The following ENAM variants were observed in gnomAD, a reference collection of about 807,000 sequenced individuals.
The protein encoded by ENAM is amelogenesis imperfecta 2, hypocalcification (autosomal dominant).
ENAM carries 21 observed loss-of-function variants against 33.6 expected under a neutral mutation model. The ratio of observed to expected loss-of-function variants is 0.63; its 90% CI spans 0.44 to 0.90. The LOEUF is 0.90. Among genes scored for constraint, ENAM ranks in the 40% least tolerant of loss-of-function variants. ENAM has a pLI of 0.00. For missense variants in ENAM, 1,388 were observed against 1,366.9 expected (o/e 1.02, Z -0.24); for synonymous variants, 473 against 468.4 (o/e 1.01, Z -0.13).
At chr4:70,641,855 G>A (rs1329423383) in intron 8 of ENAM, among the ~76,000 whole-genome samples, 160 bp from the exon 9 acceptor site, 2 of 152,102 alleles carry the variant, frequency 1.3e-5, no homozygotes, top group Admixed American at 6.6e-5. Context: ...GTATGGTCAT[G>A]GAAACCAAGG....
chr4:70,633,042 G>A (rs1397828813), intron 5 of ENAM, among the ~76,000 whole-genome samples: 1 of 151,924 alleles, frequency 6.6e-6, no homozygotes, highest in African/African-American at 2.4e-5. Context: ...ATTGGTGGGG[G>A]GTAAGTTTTA....
In ENAM at chr4:70,644,480, G is replaced by C. The variant is rs765719023; in HGVS notation, c.3054G>C (p.Gln1018His). The C allele has an allele frequency of 2.7e-5, 44 of 1,614,064 alleles. No individual in the cohort carries two copies. The highest frequency in any genetic ancestry group is 3.4e-5 in the Non-Finnish European group (40 of 1,180,034). ...NERTVDLTPE[Q>H]LVIGTPDEGS... Reference sequence around the variant, plus strand: ...GAACTGTTGACCTTACTCCTGAGCAGCTTGTTATTGGTACACCTGATGAAG... The same window carrying C: ...GAACTGTTGACCTTACTCCTGAGCACCTTGTTATTGGTACACCTGATGAAG... Residue 1018 changes from glutamine to histidine, a missense_variant, in exon 9 of 9, where the codon CAG (glutamine) becomes CAC (histidine). Transcript: ENST00000396073.
In ENAM at chr4:70,643,445, A is replaced by G. The variant is rs937703590; in HGVS notation, c.2019A>G (p.Glu673=). 8.1e-6 allele frequency: 13 copies of G among 1,614,076 alleles called. No homozygotes were observed. The highest frequency in any genetic ancestry group is 1.0e-5 in the Non-Finnish European group (12 of 1,180,018). Reference sequence around the variant, plus strand: ...TTCCTGGACAAAATAGATGGGGTGAAGAGTTGAGCTTCAAAGGAGGCCCAA... The same window carrying G: ...TTCCTGGACAAAATAGATGGGGTGAGGAGTTGAGCTTCAAAGGAGGCCCAA... The part of the protein sequence containing the change: ...EVFPGQNRWG[E]ELSFKGGPTV... The change falls in exon 9 of 9, where the codon GAA becomes GAG. Residue 673 remains glutamate (E), a synonymous_variant. Coordinates refer to ENST00000396073, the MANE Select transcript of ENAM (RefSeq NM_031889.3).
At chr4:70,633,801 A>C (rs1034913611) in intron 5 of ENAM, among the ~76,000 whole-genome samples, 1 of 152,186 alleles carries the variant, frequency 6.6e-6, no homozygotes, top group Non-Finnish European at 1.5e-5. Flanking sequence ...TCCACCTGTA[A>C]CCAAGAACCA....
chr4:70,638,386 G>A (rs1282265253), intron 8 of ENAM, among the ~76,000 whole-genome samples: 1 of 149,260 alleles, frequency 6.7e-6, no homozygotes, highest in African/African-American at 2.5e-5. Context: ...CTAAATATGT[G>A]ATATGTCCTC....
In ENAM at chr4:70,631,895, T is replaced by G; in HGVS notation, c.168+2T>G. ...GGATTTAGCAGTAAAAGTGAGGAGG[T>G]ATGTACGTTCAGTCTCAGAGGAGAA... On this transcript the variant is annotated splice_donor_variant, in intron 4 of 8. Coordinates refer to ENST00000396073, the MANE Select transcript of ENAM (RefSeq NM_031889.3). LOFTEE classifies it high-confidence loss of function. The G allele has an allele frequency of 6.2e-7, 1 of 1,613,208 alleles. No individual in the cohort carries two copies. The highest frequency in any genetic ancestry group is 1.1e-5 in the South Asian group (1 of 91,074).
At chr4:70,630,931 A>T (rs539407827) in intron 2 of ENAM, among the ~76,000 whole-genome samples, 2 of 152,072 alleles carry the variant, frequency 1.3e-5, no homozygotes, top group South Asian at 4.2e-4. Context: ...TAGTAGAGAC[A>T]AGGTTTCACC....
In ENAM at chr4:70,642,247, C is replaced by A; in HGVS notation, c.821C>A (p.Thr274Asn). ...GACACCAGCCCCACAGGAAACAGTA[C>A]CCCAGGACTAAACACTGGGAACAAC... ...GNDTSPTGNS[T>N]PGLNTGNNPP... The change falls in exon 9 of 9, where the codon ACC becomes AAC. Residue 274 changes from threonine to asparagine, a missense_variant. Thr to Asn is a moderately conservative substitution (Grantham distance 65). Transcript: ENST00000396073. The A allele has an allele frequency of 6.2e-7, 1 of 1,614,052 alleles. No homozygotes were observed. The highest frequency in any genetic ancestry group is 8.5e-7 in the Non-Finnish European group (1 of 1,179,968).
At position 70,644,121 on chromosome 4, in the gene ENAM, G is replaced by A. The variant is rs747987620; in HGVS notation, c.2695G>A (p.Ala899Thr). 6.2e-7 allele frequency: 1 copy of A among 1,614,104 alleles called. No homozygotes were observed. The highest frequency in any genetic ancestry group is 8.5e-7 in the Non-Finnish European group (1 of 1,180,004). ...AGACTACACTCCATCCTATGGTCTT[G>A]CACCTGGGGAGAACCAAGACACCAG... is the stretch of plus-strand genomic sequence containing the variant. Reference protein sequence around the residue: ...LQDYTPSYGLAPGENQDTSPL... With the variant: ...LQDYTPSYGLTPGENQDTSPL... Residue 899 changes from alanine to threonine, a missense_variant, in exon 9 of 9, where the codon GCA (alanine) becomes ACA (threonine). Coordinates refer to ENST00000396073, the MANE Select transcript of ENAM (RefSeq NM_031889.3).
Position 70,635,902 on chromosome 4 carries a change from ATT to A in ENAM, c.534+16_534+17del. ...CCATGGCAAATTCCACAGGTGAGAA[ATT>A]TTTTTTTCTTTACACTGTAAGTGAA... On this transcript the variant is annotated intron_variant, in intron 7 of 8. Coordinates refer to ENST00000396073, the MANE Select transcript of ENAM (RefSeq NM_031889.3). The A allele has an allele frequency of 6.4e-7, 1 of 1,562,522 alleles. No individual in the cohort carries two copies. The highest frequency in any genetic ancestry group is 8.8e-7 in the Non-Finnish European group (1 of 1,136,302).
intron 2 of ENAM, 140 bp from the exon 3 acceptor site, chr4:70,631,530 A>C (rs1738319911): frequency 1.4e-6 from 1 of 699,358 alleles, no homozygotes; most frequent in African/African-American, 1.8e-5. Flanking sequence ...TTCTTGACAT[A>C]AAATAAAACT....
chr4:70,634,256 A>G, intron 5 of ENAM, 52 bp from the exon 6 acceptor site: 1 of 1,581,510 alleles, frequency 6.3e-7, no homozygotes, highest in Non-Finnish European at 8.7e-7. Flanking sequence ...GGATGGAGAC[A>G]GCCTGAATCA....
chr4:70,630,422 A>G (rs1738281859), intron 2 of ENAM, among the ~76,000 whole-genome samples: 1 of 152,224 alleles, frequency 6.6e-6, no homozygotes, highest in African/African-American at 2.4e-5. Flanking sequence ...ACTATATCTG[A>G]TATACGATGA....
At position 70,635,866 on chromosome 4, in the gene ENAM, A is replaced by G. The variant is rs777236927; in HGVS notation, c.506A>G (p.Tyr169Cys). ...FPPFGNGLFP[Y>C]QQPPWQIPQR... is the part of the protein sequence containing the mutation. Reference sequence around the variant, plus strand: ...CCATTTGGAAATGGGCTATTCCCCTATCAACAACCACCATGGCAAATTCCA... The same window carrying G: ...CCATTTGGAAATGGGCTATTCCCCTGTCAACAACCACCATGGCAAATTCCA... The change falls in exon 7 of 9, where the codon TAT becomes TGT. Residue 169 changes from tyrosine to cysteine, a missense_variant. Tyr to Cys is a radical substitution (Grantham distance 194). Transcript: ENST00000396073. The G allele has an allele frequency of 3.0e-5, 49 of 1,608,822 alleles. No individual in the cohort carries two copies. The highest frequency in any genetic ancestry group is 1.3e-4 in the East Asian group (6 of 44,780).
chr4:70,635,802 A>G, intron 6 of ENAM, 30 bp from the exon 7 acceptor site: 1 of 1,410,154 alleles, frequency 7.1e-7, no homozygotes, highest in Non-Finnish European at 1.0e-6. Flanking sequence ...TTTCAATACC[A>G]CATCACTCTG....
chr4:70,643,007 G>T lies in ENAM; in HGVS notation c.1581G>T (p.Met527Ile). Reference sequence around the variant, plus strand: ...GGATTGTTTTAGGGTCAAGAAGGATGCCATATGAATCAGAAACTAATCAGT... The same window carrying T: ...GGATTGTTTTAGGGTCAAGAAGGATTCCATATGAATCAGAAACTAATCAGT... ...PKGIVLGSRRMPYESETNQSE... is the reference protein window; with the variant it reads ...PKGIVLGSRRIPYESETNQSE... Residue 527 changes from methionine to isoleucine, a missense_variant, in exon 9 of 9, where the codon ATG becomes ATT. Physicochemically the swap from Met to Ile is conservative, Grantham distance 10 (BLOSUM62 1). Coordinates refer to ENST00000396073, the MANE Select transcript of ENAM (RefSeq NM_031889.3). 1.2e-6 allele frequency: 2 copies of T among 1,614,090 alleles called. No homozygotes were observed. Among genetic ancestry groups the T allele is most frequent in the Non-Finnish European group, 1.7e-6 (2 of 1,180,010 alleles).
Position 70,643,332 on chromosome 4 carries a change from C to T in ENAM, c.1906C>T (p.Pro636Ser). The T allele has an allele frequency of 6.2e-7, 1 of 1,613,686 alleles. No homozygotes were observed. Among genetic ancestry groups the T allele is most frequent in the Non-Finnish European group, 8.5e-7 (1 of 1,179,832 alleles). ...SPNTMGQKES[P>S]LYPINTPDQK... ...CAATACTATGGGGCAAAAAGAAAGTCCACTCTACCCCATAAATACCCCAGA... is the reference window on the plus strand; with the variant it reads ...CAATACTATGGGGCAAAAAGAAAGTTCACTCTACCCCATAAATACCCCAGA... The change falls in exon 9 of 9, where the codon CCA (proline) becomes TCA (serine). Residue 636 changes from proline (P) to serine (S), a missense_variant. Transcript: ENST00000396073.
At position 70,640,831 on chromosome 4, in the gene ENAM, A is replaced by G. The variant is rs530268845; in HGVS notation, c.589-1184A>G. Among the ~76,000 whole-genome samples the G allele has an allele frequency of 2.6e-5, 4 of 152,258 alleles. 1 individual carries two copies. The highest frequency in any genetic ancestry group is 9.6e-5 in the African/African-American group (4 of 41,550). On this transcript the variant is annotated intron_variant, in intron 8 of 8. Transcript: ENST00000396073. ...TGTTGTACTGCTTTGATGTTATGTT[A>G]AGGGATTTAGAGTTTATTTTGTAAA... is the stretch of plus-strand genomic sequence containing the variant.
In ENAM at chr4:70,646,011, A is replaced by T. The variant is rs894413160; in HGVS notation, c.*1156A>T. On this transcript the variant is annotated 3_prime_UTR_variant, in exon 9 of 9. Transcript: ENST00000396073. ...AATTCATAATCCGCAGGATCTGTAGAAGACATTTTGGGAAACACTGTCTTA... is the reference window on the plus strand; with the variant it reads ...AATTCATAATCCGCAGGATCTGTAGTAGACATTTTGGGAAACACTGTCTTA... 6.6e-6 allele frequency: 1 copy of T among 152,092 alleles called. No homozygotes were observed. Among genetic ancestry groups the T allele is most frequent in the Non-Finnish European group, 1.5e-5 (1 of 68,004 alleles). 9.4% of individuals were successfully genotyped at this position (152,092 alleles called of 1,614,324 possible).
Sources: allele counts gnomAD v4.1 joint callset (sites outside exome capture counted in the v4.1 genomes callset), GRCh38; gene constraint gnomAD v4.1.1; transcripts MANE v1.5; gene names NCBI Gene and HGNC (gene_info 2026-07-23, HGNC 2026-07-21).